The following BFSP2 variants were observed in gnomAD, a reference collection of about 807,000 sequenced individuals.
BFSP2 encodes phakinin.
A neutral mutation model predicts 44.9 loss-of-function variants in BFSP2; 38 were observed. The observed-to-expected ratio is 0.85, with a 90% CI of 0.65 to 1.11. The LOEUF (loss-of-function observed/expected upper bound fraction) is 1.11. BFSP2 is among the 50% of genes least tolerant of loss of function. The pLI, the probability that BFSP2 is intolerant of heterozygous loss-of-function variation, is 0.00. For missense variants in BFSP2, 525 were observed against 533.0 expected (o/e 0.99, Z 0.15); for synonymous variants, 197 against 209.9 (o/e 0.94, Z 0.53).
At chr3:133,404,379 G>A (rs1274879608) in intron 1 of BFSP2, among the ~76,000 whole-genome samples, 1 of 152,130 alleles carries the variant, frequency 6.6e-6, no homozygotes, top group African/African-American at 2.4e-5. Context: ...GCCCCTGGGT[G>A]GCAGCAACTG....
chr3:133,461,071 T>C (rs2074057702), intron 4 of BFSP2, among the ~76,000 whole-genome samples: 1 of 152,164 alleles, frequency 6.6e-6, no homozygotes, highest in Non-Finnish European at 1.5e-5. Context: ...CGCCTTCCCC[T>C]CACATTGCAA....
At chr3:133,410,382 C>T in intron 1 of BFSP2, 1 of 302,440 alleles carries the variant, frequency 3.3e-6, no homozygotes, top group Non-Finnish European at 6.4e-6. Flanking sequence ...GTAGTGGGAG[C>T]AGAAGACCAG....
intron 4 of BFSP2, 152 bp downstream of exon 4, chr3:133,450,616 T>C: frequency 2.1e-6 from 2 of 957,772 alleles, no homozygotes; most frequent in Non-Finnish European, 3.1e-6. Flanking sequence ...ATTAAAATAA[T>C]AGCTTTTTGT....
chr3:133,442,694 G>A (rs764399712), intron 1 of BFSP2, among the ~76,000 whole-genome samples: 2 of 152,070 alleles, frequency 1.3e-5, no homozygotes, highest in African/African-American at 2.4e-5. Context: ...CATTGTGGGG[G>A]TAGAATTGAC....
At chr3:133,447,582 T>C (rs2073915411) in intron 2 of BFSP2, among the ~76,000 whole-genome samples, 183 bp downstream of exon 2, 1 of 152,102 alleles carries the variant, frequency 6.6e-6, no homozygotes, top group Admixed American at 6.5e-5. Context: ...CCCCAAGGGC[T>C]CAAAGATTTT....
intron 1 of BFSP2, among the ~76,000 whole-genome samples, chr3:133,431,650 T>C (rs556547498): frequency 3.5e-4 from 53 of 152,274 alleles, no homozygotes; most frequent in South Asian, 2.1e-3. Flanking sequence ...CGCCGAGCTT[T>C]AGGTAACTCT....
At chr3:133,430,194 T>G (rs1291557430) in intron 1 of BFSP2, among the ~76,000 whole-genome samples, 1 of 152,150 alleles carries the variant, frequency 6.6e-6, no homozygotes, top group African/African-American at 2.4e-5. Flanking sequence ...TTTGCTATTG[T>G]GAATAGTGCC....
rs896890005 is a variant in BFSP2 at position 133,475,110 on chromosome 3, T to C, written c.*138T>C. 4.4e-5 allele frequency: 55 copies of C among 1,249,972 alleles called. No individual in the cohort carries two copies. The highest frequency in any genetic ancestry group is 6.0e-5 in the Non-Finnish European group (51 of 854,182). 77.4% of individuals were successfully genotyped at this position (1,249,972 alleles called of 1,614,324 possible). A position where few individuals can be genotyped will look rare whatever the true frequency, so the allele number is the denominator to read the frequency against. On this transcript the variant is annotated 3_prime_UTR_variant, in exon 7 of 7. Transcript: ENST00000302334. The stretch of plus-strand genomic sequence containing the variant: ...ATTCAGCTTGAGCTGAAAAGCTTCC[T>C]GGAAGTGGAGAGGATCCTTCTGCTT...
At chr3:133,461,108 C>T (rs1195365752) in intron 4 of BFSP2, among the ~76,000 whole-genome samples, 1 of 152,188 alleles carries the variant, frequency 6.6e-6, no homozygotes, top group Non-Finnish European at 1.5e-5. Flanking sequence ...AGTTCTGGGT[C>T]ATTGCCAAGG....
chr3:133,458,648 A>C (rs769838642), intron 4 of BFSP2, among the ~76,000 whole-genome samples: 1 of 152,186 alleles, frequency 6.6e-6, no homozygotes, highest in South Asian at 2.1e-4. Context: ...GTGAGCCAAG[A>C]ACACTCCACT....
At chr3:133,415,660 A>C (rs1322688936) in intron 1 of BFSP2, among the ~76,000 whole-genome samples, 6 of 64,080 alleles carry the variant, frequency 9.4e-5, no homozygotes, top group Non-Finnish European at 8.9e-5. Context: ...TCTCCCCTCT[A>C]CTCACACCTG....
intron 4 of BFSP2, among the ~76,000 whole-genome samples, chr3:133,460,275 A>C (rs2074050376): frequency 6.6e-6 from 1 of 152,234 alleles, no homozygotes. Context: ...ACTGAAGCAC[A>C]AAGAGGTTAG....
At chr3:133,429,853 C>T (rs1208706473) in intron 1 of BFSP2, 3 of 150,066 alleles carry the variant, frequency 2.0e-5, no homozygotes, top group Non-Finnish European at 3.0e-5. Flanking sequence ...GTGCTGCACC[C>T]ATTAACTCGT....
At chr3:133,471,857 A>G (rs1559986089) in intron 5 of BFSP2, among the ~76,000 whole-genome samples, 1 of 152,168 alleles carries the variant, frequency 6.6e-6, no homozygotes, top group African/African-American at 2.4e-5. Flanking sequence ...CTGGGAAAGA[A>G]AGCTGGAGGA....
intron 1 of BFSP2, among the ~76,000 whole-genome samples, chr3:133,424,245 T>TGTGTGTGTGTGTGTGTGTGTG (rs2073623766): frequency 1.5e-5 from 2 of 129,786 alleles, no homozygotes; most frequent in African/African-American, 3.5e-5. Context: ...TTTTTTTGTA[T>TGTGTGTGTGTGTGTGTGTGTG]TTTTAGTAGA....
intron 1 of BFSP2, among the ~76,000 whole-genome samples, chr3:133,409,785 G>T (rs2073433527): frequency 6.6e-6 from 1 of 152,208 alleles, no homozygotes; most frequent in Admixed American, 6.5e-5. Flanking sequence ...ACATCCATGT[G>T]CTGGGAGGGT....
chr3:133,421,630 C>T (rs560995872), intron 1 of BFSP2, among the ~76,000 whole-genome samples: 1 of 152,342 alleles, frequency 6.6e-6, no homozygotes, highest in African/African-American at 2.4e-5. Context: ...GTCAGGACTG[C>T]AACTTATCTT....
intron 5 of BFSP2, among the ~76,000 whole-genome samples, chr3:133,468,072 G>A (rs2074128957): frequency 6.6e-6 from 1 of 152,202 alleles, no homozygotes; most frequent in African/African-American, 2.4e-5. Context: ...GGATGCACAT[G>A]AGCATGCTCT....
chr3:133,438,447 A>C (rs1047249006), intron 1 of BFSP2, among the ~76,000 whole-genome samples: 2 of 152,208 alleles, frequency 1.3e-5, no homozygotes, highest in African/African-American at 4.8e-5. Context: ...AGGCAGGAGA[A>C]TCTCTGGAAC....
Sources: allele counts gnomAD v4.1 joint callset (sites outside exome capture counted in the v4.1 genomes callset), GRCh38; gene constraint gnomAD v4.1.1; transcripts MANE v1.5; gene names NCBI Gene and HGNC (gene_info 2026-07-23, HGNC 2026-07-21).